The following CCNC variants were observed in gnomAD, a reference collection of about 807,000 sequenced individuals.
The protein encoded by CCNC is cyclin C, also known as cyclin-C.
In CCNC, 19 loss-of-function variants were observed where a neutral mutation model predicts 50.0. The observed-to-expected ratio is 0.38, with a 90% CI of 0.27 to 0.56. CCNC has a LOEUF of 0.56. Among genes scored for constraint, CCNC ranks in the 20% least tolerant of loss-of-function variants. The pLI is 0.72. For synonymous variants in CCNC, 93 were observed against 103.7 expected (o/e 0.90, Z 0.63); for missense variants, 200 against 327.1 (o/e 0.61, Z 3.00).
chr6:99,550,397 G>T, intron 7 of CCNC, 88 bp from the exon 8 acceptor site: 1 of 883,526 alleles, frequency 1.1e-6, no homozygotes, highest in Non-Finnish European at 1.8e-6. Context: ...ATTTGTAATT[G>T]TGTATTTCAA....
intron 9 of CCNC, among the ~76,000 whole-genome samples, chr6:99,548,181 G>A (rs1452858693): frequency 2.0e-5 from 3 of 151,996 alleles, no homozygotes; most frequent in Non-Finnish European, 2.9e-5. Flanking sequence ...TAAATGTTTC[G>A]GCATGTAAGT....
intron 5 of CCNC, chr6:99,557,440 A>C: frequency 6.6e-6 from 1 of 152,138 alleles, no homozygotes; most frequent in Non-Finnish European, 1.5e-5. Flanking sequence ...CAAAATTCGT[A>C]TGTTGAAGCC....
intron 11 of CCNC, chr6:99,543,828 C>G: frequency 7.3e-7 from 1 of 1,371,446 alleles, no homozygotes; most frequent in Non-Finnish European, 9.4e-7. Context: ...TCACATATAA[C>G]AAGCATTCTG....
chr6:99,566,473 CCA>C (rs1769129381), intron 1 of CCNC, among the ~76,000 whole-genome samples: 2 of 151,984 alleles, frequency 1.3e-5, no homozygotes, highest in East Asian at 3.8e-4. Context: ...AATAAAGTAT[CCA>C]CAGTTAGTTT....
At chr6:99,555,981 T>A (rs1435510420) in intron 5 of CCNC, among the ~76,000 whole-genome samples, 1 of 134,650 alleles carries the variant, frequency 7.4e-6, no homozygotes, top group Non-Finnish European at 1.6e-5. Flanking sequence ...CTGCTGACTC[T>A]ATCGCTCAAA....
chr6:99,555,662 G>A (rs1350683018), intron 5 of CCNC, among the ~76,000 whole-genome samples: 9 of 151,936 alleles, frequency 5.9e-5, no homozygotes, highest in Admixed American at 1.3e-4. Flanking sequence ...GGCTGGTCTT[G>A]AACTCCTGTT....
chr6:99,563,225 T>TA (rs1175021812), intron 1 of CCNC, among the ~76,000 whole-genome samples: 1 of 152,228 alleles, frequency 6.6e-6, no homozygotes, highest in African/African-American at 2.4e-5. Flanking sequence ...AGATATGTCT[T>TA]ACAATCTGTG....
At chr6:99,551,099 A>T in intron 6 of CCNC, 71 bp from the exon 7 acceptor site, 1 of 793,050 alleles carries the variant, frequency 1.3e-6, no homozygotes, top group Non-Finnish European at 1.7e-6. Context: ...TTAATCTAAC[A>T]TAAATTACAG....
At chr6:99,559,662 ATAAT>A (rs1412680962) in intron 4 of CCNC, among the ~76,000 whole-genome samples, 2 of 147,948 alleles carry the variant, frequency 1.4e-5, no homozygotes, top group Admixed American at 6.7e-5. Context: ...TAAAAAAAAA[ATAAT>A]AATAATGCTA....
At chr6:99,552,699 G>T (rs1423189710) in intron 5 of CCNC, among the ~76,000 whole-genome samples, 2 of 152,170 alleles carry the variant, frequency 1.3e-5, no homozygotes, top group Non-Finnish European at 1.5e-5. Context: ...AATGTTTAGT[G>T]TCAGCTTCCA....
At chr6:99,555,224 C>A (rs1467064219) in intron 5 of CCNC, among the ~76,000 whole-genome samples, 1 of 152,168 alleles carries the variant, frequency 6.6e-6, no homozygotes, top group East Asian at 1.9e-4. Flanking sequence ...CTTATGTCAA[C>A]ACCTTTCCCC....
intron 4 of CCNC, among the ~76,000 whole-genome samples, chr6:99,560,192 A>G (rs530587623): frequency 5.9e-5 from 9 of 152,336 alleles, no homozygotes; most frequent in African/African-American, 2.2e-4. Context: ...TTGGTCCTCC[A>G]TACTGCCTGT....
intron 4 of CCNC, among the ~76,000 whole-genome samples, chr6:99,560,915 C>G (rs1802752669): frequency 1.3e-5 from 2 of 152,200 alleles, no homozygotes; most frequent in African/African-American, 4.8e-5. Flanking sequence ...AAGGGACATT[C>G]TCAGGTTATG....
At position 99,568,605 on chromosome 6, in the gene CCNC, G is replaced by A. The variant is rs1769264704; in HGVS notation, c.-78C>T. ...AGCGACCATAGACCCAGCCCGTCCG[G>A]TAACCGCGCTCCTCGATCAAATCAG... is the stretch of plus-strand genomic sequence containing the variant. On this transcript the variant is annotated 5_prime_UTR_variant, in exon 1 of 12. Transcript: ENST00000520429. 1 of 1,573,196 alleles carries A rather than the reference G, an allele frequency of 6.4e-7. No homozygotes were observed. The highest frequency in any genetic ancestry group is 8.6e-7 in the Non-Finnish European group (1 of 1,160,920).
In CCNC at chr6:99,545,141, C is replaced by T. The variant is rs754748722; in HGVS notation, c.768G>A (p.Lys256=). 13 of 1,608,386 alleles carry T rather than the reference C, an allele frequency of 8.1e-6. No homozygotes were observed. Among genetic ancestry groups the T allele is most frequent in the Non-Finnish European group, 1.0e-5 (12 of 1,175,038 alleles). Residue 256 remains lysine (K), a synonymous_variant, in exon 11 of 12, where the codon AAG becomes AAA. Coordinates refer to ENST00000520429, the MANE Select transcript of CCNC (RefSeq NM_005190.4). ...ERKEMATILS[K]MPKPKPPPNS... ...TTGGAGGTGGTTTTGGTTTTGGCAT[C>T]TTACTAAGAATGGTTGCCATCTCTT...
intron 1 of CCNC, 47 bp from the exon 2 acceptor site, chr6:99,562,995 ACACT>A: frequency 8.5e-7 from 1 of 1,174,442 alleles, no homozygotes; most frequent in Non-Finnish European, 1.3e-6. Context: ...GTCAGAGGAA[ACACT>A]CTAAGATTGA....
intron 11 of CCNC, chr6:99,544,209 A>G: frequency 6.5e-7 from 1 of 1,534,400 alleles, no homozygotes; most frequent in Non-Finnish European, 8.7e-7. Context: ...TTATTGCCTT[A>G]TCTTGTCCAC....
In CCNC at chr6:99,542,594, A is replaced by G. The variant is rs745359416; in HGVS notation, c.*961T>C. 1 of 152,650 alleles carries G rather than the reference A, an allele frequency of 6.6e-6. No homozygotes were observed. Among genetic ancestry groups the G allele is most frequent in the Non-Finnish European group, 1.5e-5 (1 of 68,018 alleles). 9.5% of individuals were successfully genotyped at this position (152,650 alleles called of 1,614,324 possible). A position where few individuals can be genotyped will look rare whatever the true frequency, so the allele number is the denominator to read the frequency against. ...CCACAGACAGTACAGTCCCACTGAC[A>G]TAACATTTAGTATGATGTCCTACTC... is the stretch of plus-strand genomic sequence containing the variant. On this transcript the variant is annotated 3_prime_UTR_variant, in exon 12 of 12. Transcript: ENST00000520429.
Position 99,548,289 on chromosome 6 carries a change from C to G in CCNC, c.598+1219G>C, listed in dbSNP as rs541951821. 2.0e-3 allele frequency among the ~76,000 whole-genome samples: 304 copies of G among 152,214 alleles called. 5 individuals carry two copies. The highest frequency in any genetic ancestry group is 6.0e-3 in the African/African-American group (251 of 41,550). ...TGTTCTGTTATCCCTTCCTTCCTAC[C>G]TATGCAGATCCCAGTATTCCTACCC... On this transcript the variant is annotated intron_variant, in intron 9 of 11. Coordinates refer to ENST00000520429, the MANE Select transcript of CCNC (RefSeq NM_005190.4).
Sources: gnomAD v4.1 joint callset for allele counts (sites outside exome capture counted in the v4.1 genomes callset) on GRCh38, gnomAD v4.1.1 for gene constraint, MANE v1.5 for transcripts, NCBI Gene and HGNC (gene_info 2026-07-23, HGNC 2026-07-21) for gene names.